Variants in PSMD14 observed in about 807,000 individuals in gnomAD.
PSMD14 encodes ubiquitin C-terminal hydrolase PSMD14.
A neutral mutation model predicts 41.2 loss-of-function variants in PSMD14; 7 were observed. The observed-to-expected ratio is 0.17, with a 90% CI of 0.10 to 0.32. The LOEUF (loss-of-function observed/expected upper bound fraction) is 0.32. PSMD14 is among the 10% of genes least tolerant of loss of function. The probability of loss-of-function intolerance (pLI) is 1.00; values close to 1 mark genes in which losing one functional copy is unlikely to be tolerated. For synonymous variants in PSMD14, 114 were observed against 122.3 expected, an observed-to-expected ratio of 0.93 and a Z score of 0.45; for missense variants, 139 against 375.6, an observed-to-expected ratio of 0.37 and a Z score of 5.21.
rs370107478 is a variant in PSMD14, at chr2:161,395,061, T to C, written c.646-17T>C. The C allele has an allele frequency of 1.1e-5, 17 of 1,565,392 alleles. No homozygotes were observed. The South Asian group carries it at 1.7e-4, about 16-fold the overall frequency. On this transcript the variant is annotated splice_polypyrimidine_tract_variant and intron_variant, in intron 9 of 11. Coordinates refer to ENST00000409682, the MANE Select transcript of PSMD14 (RefSeq NM_005805.6). ...CCTCAAGGCAGAAAAAGAATTACTT[T>C]TTCTTTTATTTTTTAGATGTTGCTA...
At chr2:161,389,912 T>TTTTTTTTTTTTTTTTTTTTTTTA (rs1299369817) in intron 8 of PSMD14, among the ~76,000 whole-genome samples, 1 of 130,244 alleles carries the variant, frequency 7.7e-6, no homozygotes, top group African/African-American at 3.3e-5. Context: ...TTTTTTTTTT[T>TTTTTTTTTTTTTTTTTTTTTTTA]AGAGATGGGG....
chr2:161,379,230 T>C (rs1424363564), intron 7 of PSMD14, among the ~76,000 whole-genome samples: 2 of 151,960 alleles, frequency 1.3e-5, no homozygotes, highest in Non-Finnish European at 2.9e-5. Flanking sequence ...CTAGATAGAA[T>C]TGACACTCTT....
chr2:161,388,803 A>G (rs945595039), intron 8 of PSMD14, among the ~76,000 whole-genome samples: 7 of 152,136 alleles, frequency 4.6e-5, no homozygotes, highest in Non-Finnish European at 1.0e-4. Context: ...TATAATCCGT[A>G]AGCCGTGTGT....
At chr2:161,388,769 T>C (rs916358078) in intron 8 of PSMD14, among the ~76,000 whole-genome samples, 1 of 152,154 alleles carries the variant, frequency 6.6e-6, no homozygotes, top group Non-Finnish European at 1.5e-5. Context: ...TAAAAACTTA[T>C]CAGGAACCCA....
chr2:161,362,118 G>A (rs1014789894), intron 3 of PSMD14, among the ~76,000 whole-genome samples: 3 of 152,050 alleles, frequency 2.0e-5, no homozygotes, highest in African/African-American at 7.2e-5. Flanking sequence ...CCAGGCTGGA[G>A]TGCAGTGGTT....
chr2:161,374,197 T>C (rs1438380188), intron 7 of PSMD14, among the ~76,000 whole-genome samples: 1 of 151,966 alleles, frequency 6.6e-6, no homozygotes. Flanking sequence ...TGTGAGGCCA[T>C]TCCTTAAGTT....
At chr2:161,396,579 T>C (rs887510371) in intron 10 of PSMD14, among the ~76,000 whole-genome samples, 1 of 152,062 alleles carries the variant, frequency 6.6e-6, no homozygotes, top group Non-Finnish European at 1.5e-5. Context: ...TCTAAAAAAG[T>C]TGAACTCATA....
intron 10 of PSMD14, chr2:161,407,883 A>C (rs1574145306): frequency 6.6e-6 from 1 of 152,196 alleles, no homozygotes; most frequent in South Asian, 2.1e-4. Flanking sequence ...TCATAGATTA[A>C]AAGTTCACCT....
intron 7 of PSMD14, chr2:161,383,845 C>A (rs985525768): frequency 6.6e-6 from 1 of 151,514 alleles, no homozygotes; most frequent in Non-Finnish European, 1.5e-5. Flanking sequence ...TTAACTTTAT[C>A]TTATTTTATG....
At chr2:161,391,766 G>A (rs1389565314) in intron 9 of PSMD14, among the ~76,000 whole-genome samples, 1 of 151,936 alleles carries the variant, frequency 6.6e-6, no homozygotes, top group Non-Finnish European at 1.5e-5. Flanking sequence ...TATTTTTTGG[G>A]TGGTGGGTGG....
intron 3 of PSMD14, among the ~76,000 whole-genome samples, chr2:161,355,330 T>C (rs1683180571): frequency 6.6e-6 from 1 of 152,164 alleles, no homozygotes; most frequent in Admixed American, 6.5e-5. Flanking sequence ...TACTCTGATA[T>C]TATGAGTTTT....
chr2:161,343,715 C>T (rs917189922), intron 3 of PSMD14, among the ~76,000 whole-genome samples: 11 of 152,158 alleles, frequency 7.2e-5, no homozygotes, highest in Admixed American at 2.0e-4. Context: ...GTAATTTTAG[C>T]TCCTCGGGAG....
intron 3 of PSMD14, among the ~76,000 whole-genome samples, chr2:161,349,520 A>G (rs1683089142): frequency 6.6e-6 from 1 of 152,208 alleles, no homozygotes; most frequent in Admixed American, 6.5e-5. Flanking sequence ...GAGTTCTTTC[A>G]ATTATTTCAG....
chr2:161,401,468 G>A (rs895575153), intron 10 of PSMD14, among the ~76,000 whole-genome samples: 1 of 152,236 alleles, frequency 6.6e-6, no homozygotes, highest in Non-Finnish European at 1.5e-5. Context: ...TATGCAGTGT[G>A]TGCAATGTGG....
chr2:161,337,786 T>G (rs1218227019), intron 3 of PSMD14, among the ~76,000 whole-genome samples: 2 of 152,204 alleles, frequency 1.3e-5, no homozygotes, highest in Non-Finnish European at 2.9e-5. Context: ...GGGATTAGAC[T>G]ATGGATCAGG....
At chr2:161,384,614 CT>C (rs1208166878) in intron 7 of PSMD14, 8 of 151,724 alleles carry the variant, frequency 5.3e-5, no homozygotes, top group African/African-American at 1.7e-4. Flanking sequence ...GTTAAATTCC[CT>C]TAAAGTGGCA....
chr2:161,374,023 C>T (rs1457559482), intron 7 of PSMD14, among the ~76,000 whole-genome samples: 1 of 151,692 alleles, frequency 6.6e-6, no homozygotes, highest in Non-Finnish European at 1.5e-5. Context: ...ATTGCTTTGC[C>T]AAAGTCAGAC....
intron 2 of PSMD14, among the ~76,000 whole-genome samples, chr2:161,318,100 T>G (rs1689165537): frequency 6.6e-6 from 1 of 152,178 alleles, no homozygotes; most frequent in African/African-American, 2.4e-5. Context: ...AAATCCACTT[T>G]GTATTGGTTA....
intron 10 of PSMD14, among the ~76,000 whole-genome samples, chr2:161,406,781 G>A (rs1379265905): frequency 6.6e-6 from 1 of 152,116 alleles, no homozygotes; most frequent in Non-Finnish European, 1.5e-5. Flanking sequence ...TTCTCAAAGA[G>A]TTTGTGAACT....
Sources: gnomAD v4.1 joint callset for allele counts (sites outside exome capture counted in the v4.1 genomes callset) on GRCh38, gnomAD v4.1.1 for gene constraint, MANE v1.5 for transcripts, NCBI Gene and HGNC (gene_info 2026-07-23, HGNC 2026-07-21) for gene names.